The following CSN2 variants were observed in gnomAD, a reference collection of about 807,000 sequenced individuals.
CSN2 encodes beta-casein.
CSN2 carries 27 observed loss-of-function variants against 27.3 expected under a neutral mutation model. The ratio of observed to expected loss-of-function variants is 0.99; its 90% CI spans 0.73 to 1.36. The LOEUF (loss-of-function observed/expected upper bound fraction) is 1.36, where lower values mean the gene tolerates loss of function less well. CSN2 is among the 40% of genes most tolerant of loss of function. The pLI is 0.00. For missense variants in CSN2, 333 were observed against 264.5 expected (o/e 1.26, Z -1.80); for synonymous variants, 131 against 94.8 (o/e 1.38, Z -2.22).
Position 69,955,480 on chromosome 4 carries a change from T to C in CSN2, c.*149A>G, listed in dbSNP as rs780548879. 3 of 151,910 alleles carry C rather than the reference T, an allele frequency of 2.0e-5. No homozygotes were observed. Among genetic ancestry groups the C allele is most frequent in the Non-Finnish European group, 2.9e-5 (2 of 67,922 alleles). The allele number at this position is 151,910 out of a possible 1,614,324, so 9.4% of individuals were successfully genotyped here. On this transcript the variant is annotated 3_prime_UTR_variant, in exon 8 of 8. Transcript: ENST00000353151. ...TAAATGAATGACATAATATATAAAA[T>C]AAATAAAGGGACAAAGTTCATTTTT...
At position 69,957,665 on chromosome 4, in the gene CSN2, T is replaced by G. The variant is rs1462127171; in HGVS notation, c.284A>C (p.Gln95Pro). The G allele has an allele frequency of 1.2e-6, 2 of 1,613,912 alleles. No homozygotes were observed. Among genetic ancestry groups the G allele is most frequent in the Admixed American group, 3.3e-5 (2 of 59,924 alleles). The change falls in exon 6 of 8, where the codon CAG becomes CCG. Residue 95 changes from glutamine (Q) to proline (P), a missense_variant. Transcript: ENST00000353151. ...AQPAVVLPVPQPEIMEVPKAK... is the reference protein window; with the variant it reads ...AQPAVVLPVPPPEIMEVPKAK... ...TTTAGGGACTTCCATTATTTCAGGC[T>G]GAGGGACAGGCAGCACCACAGCAGG...
chr4:69,957,624 A>G lies in CSN2; in HGVS notation c.325T>C (p.Tyr109His). ...MEVPKAKDTV[Y>H]TKGRVMPVLK... The stretch of plus-strand genomic sequence containing the variant: ...ACAGGCATCACTCTGCCCTTAGTGT[A>G]GACAGTGTCTTTAGCTTTAGGGACT... Residue 109 changes from tyrosine (Y) to histidine (H), a missense_variant, in exon 6 of 8, where the codon TAC becomes CAC. Transcript: ENST00000353151. 6.2e-7 allele frequency: 1 copy of G among 1,613,998 alleles called. No homozygotes were observed.
chr4:69,960,062 T>C lies in CSN2; in HGVS notation c.69A>G (p.Ser23=). ...ALARETIESL[S]SSEESITEYK... is the part of the protein sequence containing the mutation. ...TAGAATGTTAACTTACCTCACTGCT[T>C]GAAAGGCTTTCTATGGTCTGTGGGA... The change falls in exon 3 of 8, where the codon TCA becomes TCG. Residue 23 remains serine, a synonymous_variant. Transcript: ENST00000353151. 1 of 1,611,922 alleles carries C rather than the reference T, an allele frequency of 6.2e-7. No homozygotes were observed. The highest frequency in any genetic ancestry group is 2.2e-5 in the East Asian group (1 of 44,698).
Position 69,957,708 on chromosome 4 carries a change from T to G in CSN2, c.241A>C (p.Ile81Leu). The G allele has an allele frequency of 1.2e-6, 2 of 1,613,998 alleles. No homozygotes were observed. The highest frequency in any genetic ancestry group is 8.5e-7 in the Non-Finnish European group (1 of 1,179,980). The change falls in exon 6 of 8, where the codon ATT (isoleucine) becomes CTT (leucine). Residue 81 changes from isoleucine to leucine, a missense_variant. Coordinates refer to ENST00000353151, the MANE Select transcript of CSN2 (RefSeq NM_001891.4). ...PIPYGFLPQNILPLAQPAVVL... is the reference protein window; with the variant it reads ...PIPYGFLPQNLLPLAQPAVVL... ...ACAGCAGGCTGAGCAAGAGGCAGAA[T>G]GTTTTGTGGAAGAAAACCATAGGGG...
intron 1 of CSN2, among the ~76,000 whole-genome samples, chr4:69,964,766 A>G (rs1723740870): frequency 6.7e-6 from 1 of 149,708 alleles, no homozygotes; most frequent in South Asian, 2.1e-4. Flanking sequence ...CTACTAATAT[A>G]TATAATAATT....
rs2109751598 is a variant in CSN2 at position 69,965,668 on chromosome 4, C to A, written c.-13+13G>T. ...AGGAGAAGATACAACAAATTTGTAT[C>A]TAAAATTCTTACCGTTTTTCCAAGA... On this transcript the variant is annotated intron_variant, in intron 1 of 7. Coordinates refer to ENST00000353151, the MANE Select transcript of CSN2 (RefSeq NM_001891.4). Among the ~76,000 whole-genome samples, 1 of 151,762 alleles carries A rather than the reference C, an allele frequency of 6.6e-6. No homozygotes were observed. Among genetic ancestry groups the A allele is most frequent in the African/African-American group, 2.4e-5 (1 of 41,444 alleles).
chr4:69,956,763 C>T (rs1723409397), intron 6 of CSN2, among the ~76,000 whole-genome samples: 1 of 152,044 alleles, frequency 6.6e-6, no homozygotes, highest in African/African-American at 2.4e-5. Context: ...TTATCTAAAT[C>T]AGAATTCTCA....
In CSN2 at chr4:69,957,271, T is replaced by TA; in HGVS notation, c.675+2dup. The TA allele has an allele frequency of 1.3e-6, 2 of 1,522,558 alleles. No homozygotes were observed. Among genetic ancestry groups the TA allele is most frequent in the Non-Finnish European group, 1.8e-6 (2 of 1,135,310 alleles). The allele number at this position is 1,522,558 out of a possible 1,614,324, so 94.3% of individuals were successfully genotyped here. On this transcript the variant is annotated splice_region_variant and intron_variant, in intron 6 of 7. Transcript: ENST00000353151. ...ACAGCAAAGCCAGTAAATTTGGACTTACACTAATGGGGTTATGAACTGGGG... is the reference window on the plus strand; with the variant it reads ...ACAGCAAAGCCAGTAAATTTGGACTTAACACTAATGGGGTTATGAACTGGGG...
At chr4:69,961,583 C>G (rs1457860986) in intron 1 of CSN2, among the ~76,000 whole-genome samples, 1 of 152,122 alleles carries the variant, frequency 6.6e-6, no homozygotes, top group Admixed American at 6.6e-5. Context: ...GGACATATCT[C>G]AAAATAATAA....
intron 1 of CSN2, among the ~76,000 whole-genome samples, chr4:69,963,106 G>C (rs1415876098): frequency 2.6e-5 from 4 of 151,584 alleles, no homozygotes; most frequent in Non-Finnish European, 5.9e-5. Flanking sequence ...GAGAGGATGT[G>C]GAGAAATAGG....
chr4:69,959,175 CT>C, intron 3 of CSN2, 106 bp from the exon 4 acceptor site: 1 of 855,368 alleles, frequency 1.2e-6, no homozygotes, highest in African/African-American at 1.7e-5. Context: ...TCATTAATAA[CT>C]TTGTATAATC....
At chr4:69,959,022 G>A in intron 4 of CSN2, 27 bp downstream of exon 4, 1 of 1,485,778 alleles carries the variant, frequency 6.7e-7, no homozygotes, top group Non-Finnish European at 9.3e-7. Flanking sequence ...TTTTGAAAAT[G>A]TGTACATTTT....
intron 2 of CSN2, 52 bp downstream of exon 2, chr4:69,960,893 C>A (rs1723552826): frequency 4.4e-6 from 6 of 1,364,114 alleles, no homozygotes; most frequent in Admixed American, 1.7e-5. Flanking sequence ...TACAAATAAG[C>A]ATATAGTCCA....
chr4:69,964,428 T>C (rs1219094251), intron 1 of CSN2, among the ~76,000 whole-genome samples: 1 of 152,092 alleles, frequency 6.6e-6, no homozygotes, highest in African/African-American at 2.4e-5. Context: ...TCTCAGATAT[T>C]GAAACTCAAT....
In CSN2 at chr4:69,959,942, G is replaced by T. The variant is rs529761846; in HGVS notation, c.78+111C>A. The T allele has an allele frequency of 2.3e-5, 20 of 880,680 alleles. No individual in the cohort carries two copies. In the Admixed American group the frequency reaches 3.5e-4, roughly 15 times the overall value. The allele number at this position is 880,680 out of a possible 1,614,324, so 54.6% of individuals were successfully genotyped here. On this transcript the variant is annotated intron_variant, in intron 3 of 7. Coordinates refer to ENST00000353151, the MANE Select transcript of CSN2 (RefSeq NM_001891.4). ...ACACACATAAAAGAAATATGTACTA[G>T]AACTTATATGTCATTAACATAGCTG...
rs775318481 is a variant in CSN2 at position 69,956,345 on chromosome 4, T to C, written c.*5A>G. The C allele has an allele frequency of 2.1e-6, 3 of 1,416,682 alleles. No individual in the cohort carries two copies. Among genetic ancestry groups the C allele is most frequent in the South Asian group, 3.2e-5 (2 of 62,466 alleles). The allele number at this position is 1,416,682 out of a possible 1,614,324, so 87.8% of individuals were successfully genotyped here. Reference sequence around the variant, plus strand: ...TAAGGAGGGAAAATTAACTTTGAAATCTTCTTAGACCTTAAAAATAAACAG... The same window carrying C: ...TAAGGAGGGAAAATTAACTTTGAAACCTTCTTAGACCTTAAAAATAAACAG... On this transcript the variant is annotated 3_prime_UTR_variant, in exon 7 of 8. Transcript: ENST00000353151.
At chr4:69,957,222 C>T in intron 6 of CSN2, 52 bp downstream of exon 6, 5 of 1,421,324 alleles carry the variant, frequency 3.5e-6, no homozygotes, top group South Asian at 1.6e-5. Context: ...TTTATTCTAC[C>T]ATCACATACA....
intron 1 of CSN2, among the ~76,000 whole-genome samples, chr4:69,963,108 A>G (rs1177341537): frequency 6.6e-6 from 1 of 151,748 alleles, no homozygotes; most frequent in African/African-American, 2.4e-5. Flanking sequence ...GAGGATGTGG[A>G]GAAATAGGAA....
intron 5 of CSN2, 73 bp downstream of exon 5, chr4:69,958,836 C>T (rs1281254790): frequency 2.1e-6 from 2 of 942,578 alleles, no homozygotes; most frequent in South Asian, 1.8e-5. Context: ...AATCAACATA[C>T]ACATTATAAA....
Sources: allele counts gnomAD v4.1 joint callset (sites outside exome capture counted in the v4.1 genomes callset), GRCh38; gene constraint gnomAD v4.1.1; transcripts MANE v1.5; gene names NCBI Gene and HGNC (gene_info 2026-07-23, HGNC 2026-07-21).